ZBTB37: variants seen among roughly 807,000 people sequenced by gnomAD.
ZBTB37 encodes the protein zinc finger and BTB domain containing 37.
A neutral mutation model predicts 37.7 loss-of-function variants in ZBTB37; 15 were observed. The observed-to-expected ratio is 0.40, with a 90% CI of 0.27 to 0.61. The LOEUF (loss-of-function observed/expected upper bound fraction) is 0.61. Ranked by LOEUF, ZBTB37 falls within the 20% of genes least tolerant of loss-of-function variation. ZBTB37 has a pLI of 0.44. For missense variants in ZBTB37, 514 were observed against 641.9 expected, an observed-to-expected ratio of 0.80 and a Z score of 2.15; for synonymous variants, 231 against 220.6, an observed-to-expected ratio of 1.05 and a Z score of -0.42.
At chr1:173,900,104 A>G (rs941229277) in exon 4 of ZBTB37, 2 of 152,216 alleles carry the variant, frequency 1.3e-5, no homozygotes, top group Non-Finnish European at 1.5e-5. Context: ...GGCATTGTTA[A>G]TGGAGAAAAG....
intron 4 of ZBTB37, among the ~76,000 whole-genome samples, chr1:173,883,411 G>A (rs546899853): frequency 2.1e-4 from 32 of 152,280 alleles, no homozygotes; most frequent in African/African-American, 7.2e-4. Context: ...CCCGGGAGGC[G>A]GAGGTTGTGA....
intron 4 of ZBTB37, among the ~76,000 whole-genome samples, chr1:173,878,087 C>T (rs777723446): frequency 1.1e-4 from 16 of 152,210 alleles, no homozygotes; most frequent in Non-Finnish European, 2.2e-4. Flanking sequence ...TAAACTATTT[C>T]TCTTTCTGCA....
chr1:173,882,492 G>A (rs550452056), intron 4 of ZBTB37, among the ~76,000 whole-genome samples: 6 of 152,028 alleles, frequency 3.9e-5, no homozygotes, highest in African/African-American at 9.6e-5. Flanking sequence ...CGCCCACCTC[G>A]GCCTCCCAAA....
At chr1:173,870,397 C>T (rs1655464916) in exon 3 of ZBTB37, 3 of 1,614,150 alleles carry the variant, frequency 1.9e-6, no homozygotes, top group South Asian at 1.1e-5. Context: ...CCCCTATTTC[C>T]GGGATCACAT....
chr1:173,880,530 T>C (rs1656235986), intron 4 of ZBTB37, among the ~76,000 whole-genome samples: 1 of 152,152 alleles, frequency 6.6e-6, no homozygotes, highest in Non-Finnish European at 1.5e-5. Flanking sequence ...CATTAAGAAA[T>C]AGCTATTGAA....
At chr1:173,889,245 C>T (rs952636902), downstream of ZBTB37, 6 of 152,228 alleles carry the variant, frequency 3.9e-5, no homozygotes, top group African/African-American at 1.4e-4. Context: ...TAGCTAACAA[C>T]ACATTGGTCA....
At chr1:173,876,825 T>C (rs777633754) in intron 4 of ZBTB37, among the ~76,000 whole-genome samples, 1 of 152,152 alleles carries the variant, frequency 6.6e-6, no homozygotes, top group East Asian at 1.9e-4. Flanking sequence ...TGAGCAGATA[T>C]AGGCGTGTGT....
At chr1:173,883,304 C>T (rs1028951575) in intron 4 of ZBTB37, among the ~76,000 whole-genome samples, 7 of 152,262 alleles carry the variant, frequency 4.6e-5, no homozygotes, top group Middle Eastern at 3.4e-3. Context: ...CACAGAGAAA[C>T]GCCATCTCTA....
downstream of ZBTB37, chr1:173,888,821 A>G (rs141193203): frequency 1.3e-5 from 2 of 152,348 alleles, 1 homozygote; most frequent in East Asian, 3.9e-4. Context: ...TTAAAGGTGA[A>G]GTGCAGTAAT....
intron 3 of ZBTB37, among the ~76,000 whole-genome samples, chr1:173,872,887 G>A (rs115393202): frequency 0.013 from 1,970 of 151,892 alleles, 17 homozygotes; most frequent in Non-Finnish European, 0.02. Flanking sequence ...CGCACCTGTA[G>A]TCTCAGCTAC....
rs933803116 is a variant in ZBTB37, at chr1:173,875,782, G to A, written c.1023+2216G>A. Among the ~76,000 whole-genome samples the A allele has an allele frequency of 1.3e-4, 20 of 152,026 alleles. No individual in the cohort carries two copies. In the East Asian group the frequency reaches 2.7e-3, roughly 21 times the overall value. On this transcript the variant is annotated intron_variant, in intron 4 of 4. Transcript: ENST00000427304. Reference sequence around the variant, plus strand: ...TGATTCTCTCCCCTCAGCCTCCTGAGTAGCTGGAACCACAGATGCGCACTA... The same window carrying A: ...TGATTCTCTCCCCTCAGCCTCCTGAATAGCTGGAACCACAGATGCGCACTA...
At chr1:173,888,108 A>G (rs1656698932), downstream of ZBTB37, 1 of 152,238 alleles carries the variant, frequency 6.6e-6, no homozygotes, top group African/African-American at 2.4e-5. Flanking sequence ...TTTTGTCTTT[A>G]GAAGACATAG....
At chr1:173,869,701 G>A (rs958779415) in intron 2 of ZBTB37, among the ~76,000 whole-genome samples, 2 of 152,134 alleles carry the variant, frequency 1.3e-5, no homozygotes, top group Non-Finnish European at 2.9e-5. Context: ...CATTCATGTG[G>A]GATATTAGTC....
exon 4 of ZBTB37, chr1:173,898,646 T>C (rs1055227818): frequency 6.6e-6 from 1 of 152,182 alleles, no homozygotes; most frequent in Admixed American, 6.5e-5. Context: ...ATAATAGTCA[T>C]GATGTCCTCA....
intron 2 of ZBTB37, 124 bp downstream of exon 2, chr1:173,869,244 T>C (rs1655317456): frequency 6.6e-6 from 1 of 152,220 alleles, no homozygotes; most frequent in African/African-American, 2.4e-5. Context: ...TCAGGTGTGG[T>C]GTAACTATGT....
exon 4 of ZBTB37, chr1:173,897,347 A>G (rs1288619866): frequency 6.6e-6 from 1 of 152,246 alleles, no homozygotes; most frequent in East Asian, 1.9e-4. Flanking sequence ...ATTTGTAAAG[A>G]TGTTATAACA....
At chr1:173,874,173 T>C (rs1279415557) in intron 4 of ZBTB37, among the ~76,000 whole-genome samples, 6 of 147,646 alleles carry the variant, frequency 4.1e-5, no homozygotes, top group Admixed American at 1.4e-4. Context: ...GACAATGGCT[T>C]GAACCCGGGA....
chr1:173,874,765 A>T (rs565828456), intron 4 of ZBTB37, among the ~76,000 whole-genome samples: 1 of 152,324 alleles, frequency 6.6e-6, no homozygotes, highest in Non-Finnish European at 1.5e-5. Flanking sequence ...TTTTATTTGT[A>T]GTCCTAGTCA....
intron 4 of ZBTB37, among the ~76,000 whole-genome samples, chr1:173,883,032 GTGT>G (rs1656423554): frequency 6.6e-6 from 1 of 152,204 alleles, no homozygotes; most frequent in African/African-American, 2.4e-5. Flanking sequence ...AGGAATAGAA[GTGT>G]TAACTAACCT....
Sources: allele counts gnomAD v4.1 joint callset (sites outside exome capture counted in the v4.1 genomes callset), GRCh38; gene constraint gnomAD v4.1.1; transcripts MANE v1.5; gene names NCBI Gene and HGNC (gene_info 2026-07-23, HGNC 2026-07-21).